SIGLEC6: variants seen among roughly 807,000 people sequenced by gnomAD.
SIGLEC6 encodes the protein sialic acid-binding Ig-like lectin 6.
SIGLEC6 carries 31 observed loss-of-function variants against 41.4 expected under a neutral mutation model. The ratio of observed to expected loss-of-function variants is 0.75; its 90% CI spans 0.56 to 1.01. The LOEUF is 1.01. Ranked by LOEUF, SIGLEC6 falls within the 50% of genes least tolerant of loss-of-function variation. SIGLEC6 has a pLI of 0.00. For synonymous variants in SIGLEC6, 217 were observed against 231.0 expected (o/e 0.94, Z 0.55); for missense variants, 555 against 558.6 (o/e 0.99, Z 0.06).
At position 51,528,252 on chromosome 19, in the gene SIGLEC6, C is replaced by G; in HGVS notation, c.1014G>C (p.Trp338Cys). ...CACCACCAGCCCTGCCTTCTGGTTTCCCTATAATTTGAATTTTAAGTGAAC... is the reference window on the plus strand; with the variant it reads ...CACCACCAGCCCTGCCTTCTGGTTTGCCTATAATTTGAATTTTAAGTGAAC... ...LQISLSLFVHWKPEGRAGGVL... is the reference protein window; with the variant it reads ...LQISLSLFVHCKPEGRAGGVL... Residue 338 changes from tryptophan (W) to cysteine (C), a missense_variant and splice_region_variant, in exon 6 of 8, where the codon TGG (tryptophan) becomes TGC (cysteine). Coordinates refer to ENST00000425629, the MANE Select transcript of SIGLEC6 (RefSeq NM_001245.7). 1 of 1,613,738 alleles carries G rather than the reference C, an allele frequency of 6.2e-7. No homozygotes were observed. Among genetic ancestry groups the G allele is most frequent in the Non-Finnish European group, 8.5e-7 (1 of 1,179,646 alleles).
intron 7 of SIGLEC6, among the ~76,000 whole-genome samples, chr19:51,522,583 C>A (rs1036928837): frequency 6.6e-6 from 1 of 152,050 alleles, no homozygotes; most frequent in Non-Finnish European, 1.5e-5. Context: ...CTCAGGAGTT[C>A]GAGACCAGCC....
chr19:51,526,854 A>G (rs1381899029), intron 7 of SIGLEC6, among the ~76,000 whole-genome samples: 1 of 152,194 alleles, frequency 6.6e-6, no homozygotes, highest in Admixed American at 6.5e-5. Flanking sequence ...GAAAGAACCA[A>G]ACTGAGCTGA....
At chr19:51,528,474 G>A (rs1379216410) in intron 5 of SIGLEC6, 4 of 577,148 alleles carry the variant, frequency 6.9e-6, no homozygotes, top group Non-Finnish European at 9.3e-6. Context: ...ACTCTTGTCT[G>A]GGCCTTGGAA....
intron 3 of SIGLEC6, 35 bp from the exon 4 acceptor site, chr19:51,530,519 T>C: frequency 6.2e-7 from 1 of 1,613,618 alleles, no homozygotes; most frequent in Non-Finnish European, 8.5e-7. Context: ...TCAACATCCC[T>C]GAGGAGGGAT....
chr19:51,525,599 C>T (rs900247947), intron 7 of SIGLEC6, among the ~76,000 whole-genome samples: 1 of 152,176 alleles, frequency 6.6e-6, no homozygotes, highest in East Asian at 1.9e-4. Context: ...TTGCCATTGC[C>T]ACTGCAGTGG....
At chr19:51,530,513 C>T (rs1316789299) in intron 3 of SIGLEC6, 29 bp from the exon 4 acceptor site, 6 of 1,613,982 alleles carry the variant, frequency 3.7e-6, no homozygotes, top group Non-Finnish European at 5.1e-6. Flanking sequence ...GCCGCCTCAA[C>T]ATCCCTGAGG....
rs1324949058 is a variant in SIGLEC6, at chr19:51,518,447, C to A, written c.*1635G>T. Among the ~76,000 whole-genome samples, 2 of 152,192 alleles carry A rather than the reference C, an allele frequency of 1.3e-5. No individual in the cohort carries two copies. The highest frequency in any genetic ancestry group is 4.8e-5 in the African/African-American group (2 of 41,440). On this transcript the variant is annotated 3_prime_UTR_variant, in exon 8 of 8. Coordinates refer to ENST00000425629, the MANE Select transcript of SIGLEC6 (RefSeq NM_001245.7). ...CTCCACCTCCCAGGTTCAAGCAATT[C>A]TCCTGCTTCAACCTGCAGAAGTACC...
chr19:51,528,340 C>T (rs1162090803), intron 5 of SIGLEC6, 87 bp from the exon 6 acceptor site: 3 of 1,079,546 alleles, frequency 2.8e-6, no homozygotes, highest in Non-Finnish European at 4.2e-6. Flanking sequence ...ACTAATGTGA[C>T]CACCCCCATC....
In SIGLEC6 at chr19:51,518,620, G is replaced by C. The variant is rs893811859; in HGVS notation, c.*1462C>G. ...CTCCCAAAGTGCTGGGATTACAGGC[G>C]TGAGCCACTGCTAACTGTGGTCTTT... On this transcript the variant is annotated 3_prime_UTR_variant, in exon 8 of 8. Coordinates refer to ENST00000425629, the MANE Select transcript of SIGLEC6 (RefSeq NM_001245.7). 2.0e-5 allele frequency among the ~76,000 whole-genome samples: 3 copies of C among 152,200 alleles called. No individual in the cohort carries two copies. The highest frequency in any genetic ancestry group is 2.0e-4 in the Admixed American group (3 of 15,280).
At chr19:51,528,978 G>A (rs1355024046) in intron 5 of SIGLEC6, among the ~76,000 whole-genome samples, 2 of 140,714 alleles carry the variant, frequency 1.4e-5, no homozygotes, top group Admixed American at 1.6e-4. Context: ...ATTCCAGCCT[G>A]GCAACAGAGT....
At position 51,531,585 on chromosome 19, in the gene SIGLEC6, C is replaced by G. The variant is rs76001696; in HGVS notation, c.64G>C (p.Ala22Pro). The G allele has an allele frequency of 1.5e-3, 2,487 of 1,613,868 alleles. 35 individuals are homozygous for G. In the East Asian group the frequency reaches 0.033, roughly 21 times the overall value. ...ACCTCTCCCCTGGCCCACTCACCTGCCCACAGCAGGGGCAGCAGCAGCGGT... is the reference window on the plus strand; with the variant it reads ...ACCTCTCCCCTGGCCCACTCACCTGGCCACAGCAGGGGCAGCAGCAGCGGT... ...MLPLLLPLLW[A>P]GALAQERRFQ... The change falls in exon 1 of 8, where the codon GCA becomes CCA. Residue 22 changes from alanine to proline, a missense_variant. Transcript: ENST00000425629.
At position 51,527,751 on chromosome 19, in the gene SIGLEC6, G is replaced by A; in HGVS notation, c.1184C>T (p.Ser395Phe). 6.2e-7 allele frequency: 1 copy of A among 1,613,918 alleles called. No individual in the cohort carries two copies. The highest frequency in any genetic ancestry group is 8.5e-7 in the Non-Finnish European group (1 of 1,179,870). ...DDVNPVMVSG[S>F]RGHQHQFQTG... ...ATTAAGGTCTCTGTCACTCACCCTG[G>A]AGCCTGAGACCATGACGGGGTTCAC... is the stretch of plus-strand genomic sequence containing the variant. Residue 395 changes from serine to phenylalanine, a missense_variant, in exon 7 of 8, where the codon TCC (serine) becomes TTC (phenylalanine). Ser to Phe is a radical substitution (Grantham distance 155, BLOSUM62 -2). Transcript: ENST00000425629.
intron 7 of SIGLEC6, among the ~76,000 whole-genome samples, chr19:51,525,425 A>T (rs60902604): frequency 0.022 from 3,380 of 152,222 alleles, 93 homozygotes; most frequent in East Asian, 0.098. Context: ...TGCTTTATGG[A>T]AAAGCAGCCA....
chr19:51,521,448 C>T (rs1285509042), intron 7 of SIGLEC6, among the ~76,000 whole-genome samples: 2 of 152,018 alleles, frequency 1.3e-5, no homozygotes, highest in East Asian at 3.9e-4. Context: ...GATTTATGTT[C>T]CACTCATGTC....
intron 4 of SIGLEC6, among the ~76,000 whole-genome samples, 154 bp from the exon 5 acceptor site, chr19:51,530,135 G>T (rs1479699411): frequency 6.6e-6 from 1 of 152,228 alleles, no homozygotes; most frequent in Non-Finnish European, 1.5e-5. Flanking sequence ...TTTCCCTGGA[G>T]CTGCCCAGGC....
intron 5 of SIGLEC6, among the ~76,000 whole-genome samples, chr19:51,529,091 A>G (rs1461111578): frequency 3.3e-5 from 5 of 151,798 alleles, no homozygotes; most frequent in Admixed American, 2.0e-4. Flanking sequence ...AGGTCGAGGC[A>G]ATGCTTCTTT....
In SIGLEC6 at chr19:51,519,449, C is replaced by T. The variant is rs1462092545; in HGVS notation, c.*633G>A. On this transcript the variant is annotated 3_prime_UTR_variant, in exon 8 of 8. Transcript: ENST00000425629. ...ATGTTAGCTGTATGCTTTCTTTGAC[C>T]TTTCACAATAATCTGGTTAGATGGA... The T allele has an allele frequency of 6.6e-6, 1 of 151,954 alleles. No homozygotes were observed. The highest frequency in any genetic ancestry group is 2.4e-5 in the African/African-American group (1 of 41,364). The allele number at this position is 151,954 out of a possible 1,614,324, so 9.4% of individuals were successfully genotyped here.
chr19:51,531,343 C>T lies in SIGLEC6; in HGVS notation c.244G>A (p.Asp82Asn). The change falls in exon 2 of 8, where the codon GAC becomes AAC. Residue 82 changes from aspartate (D) to asparagine (N), a missense_variant. Asp to Asn is a conservative substitution (Grantham distance 23). Transcript: ENST00000425629. The part of the protein sequence containing the change: ...ADVPVATNDP[D>N]EEVQEETRGR... ...CGGGTCTCCTCCTGCACTTCTTCGT[C>T]TGGGTCGTTTGTGGCCACTGGAACA... is the stretch of plus-strand genomic sequence containing the variant. 1 of 1,614,176 alleles carries T rather than the reference C, an allele frequency of 6.2e-7. No individual in the cohort carries two copies. Among genetic ancestry groups the T allele is most frequent in the Non-Finnish European group, 8.5e-7 (1 of 1,180,016 alleles).
At chr19:51,520,479 C>A (rs1287646634) in intron 7 of SIGLEC6, among the ~76,000 whole-genome samples, 1 of 151,978 alleles carries the variant, frequency 6.6e-6, no homozygotes, top group Non-Finnish European at 1.5e-5. Context: ...GCCTTGAACA[C>A]CTGGGTTCGA....
Sources: allele counts gnomAD v4.1 joint callset (sites outside exome capture counted in the v4.1 genomes callset), GRCh38; gene constraint gnomAD v4.1.1; transcripts MANE v1.5; gene names NCBI Gene and HGNC (gene_info 2026-07-23, HGNC 2026-07-21).